The following PDE1A variants were observed in gnomAD, a reference collection of about 807,000 sequenced individuals.
PDE1A encodes dual specificity calcium/calmodulin-dependent 3',5'-cyclic nucleotide phosphodiesterase 1A.
In PDE1A, 35 loss-of-function variants were observed where a neutral mutation model predicts 61.7. That is an observed-to-expected ratio of 0.57 (90% CI 0.43 to 0.75). The LOEUF is 0.75. Ranked by LOEUF, PDE1A falls within the 30% of genes least tolerant of loss-of-function variation. The pLI is 0.00. For synonymous variants in PDE1A, 232 were observed against 213.2 expected (o/e 1.09, Z -0.77); for missense variants, 597 against 630.6 (o/e 0.95, Z 0.57).
chr2:182,607,592 T>C, the PDE1A span, among the ~76,000 whole-genome samples: 1 of 152,346 alleles, frequency 6.6e-6, no homozygotes, highest in African/African-American at 2.4e-5. Flanking sequence ...TACTGTATTT[T>C]CCATCCACGT....
At chr2:182,352,444 T>C (rs535370024) in intron 1 of PDE1A, among the ~76,000 whole-genome samples, 3 of 152,286 alleles carry the variant, frequency 2.0e-5, no homozygotes, top group African/African-American at 7.2e-5. Context: ...AAGGCTAACT[T>C]CTTGGCTTCT....
intron 2 of PDE1A, among the ~76,000 whole-genome samples, chr2:182,454,529 C>A (rs1223560194): frequency 1.3e-5 from 2 of 151,996 alleles, no homozygotes; most frequent in Non-Finnish European, 2.9e-5. Flanking sequence ...TACAACAAGG[C>A]TACAGTAACC....
the PDE1A span, among the ~76,000 whole-genome samples, chr2:182,665,166 A>T: frequency 1.3e-5 from 2 of 152,188 alleles, no homozygotes; most frequent in Non-Finnish European, 1.5e-5. Context: ...AGTAAAAAAG[A>T]CTTCAGAAGT....
chr2:182,608,323 G>A, the PDE1A span, among the ~76,000 whole-genome samples: 1 of 152,242 alleles, frequency 6.6e-6, no homozygotes, highest in African/African-American at 2.4e-5. Context: ...CATGAGAGGT[G>A]ACACCCGGGC....
intron 2 of PDE1A, among the ~76,000 whole-genome samples, chr2:182,246,401 C>CTTTTTTTTTTTTTTTTTTTTTTT (rs761118177): frequency 1.6e-5 from 1 of 61,514 alleles, no homozygotes; most frequent in Non-Finnish European, 2.9e-5. Flanking sequence ...TTTCTTTTTT[C>CTTTTTTTTTTTTTTTTTTTTTTT]TTTCTTTTTT....
chr2:182,430,742 A>T (rs370140695), upstream of PDE1A, among the ~76,000 whole-genome samples: 137 of 135,586 alleles, frequency 1.0e-3, 1 homozygote, highest in African/African-American at 3.4e-3. Context: ...ATTAAGAAAA[A>T]GTGGCACATA....
intron 5 of PDE1A, 138 bp downstream of exon 5, chr2:182,230,877 C>T: frequency 1.6e-6 from 1 of 617,234 alleles, no homozygotes; most frequent in South Asian, 2.0e-5. Context: ...CATATAAAGA[C>T]CTCATCACCT....
the PDE1A span, among the ~76,000 whole-genome samples, chr2:182,679,350 A>ATTTTTTTTTTTT: frequency 1.8e-4 from 22 of 119,406 alleles, no homozygotes; most frequent in Non-Finnish European, 2.6e-4. Flanking sequence ...TGCTCAGCTA[A>ATTTTTTTTTTTT]TTTTTTTTTT....
At chr2:182,426,475 T>C (rs1340192455) in intron 1 of PDE1A, 103 bp downstream of exon 1, 1 of 825,024 alleles carries the variant, frequency 1.2e-6, no homozygotes, top group Non-Finnish European at 2.1e-6. Context: ...GCACTCTTGA[T>C]TGCTCTGCTG....
chr2:182,709,639 G>A, the PDE1A span, among the ~76,000 whole-genome samples: 1 of 152,214 alleles, frequency 6.6e-6, no homozygotes, highest in African/African-American at 2.4e-5. Context: ...TGAAAGATGA[G>A]TAGCATTTCT....
chr2:182,477,638 T>C (rs1045803572), intron 2 of PDE1A, among the ~76,000 whole-genome samples: 1 of 151,904 alleles, frequency 6.6e-6, no homozygotes, highest in Non-Finnish European at 1.5e-5. Flanking sequence ...TGTTTGAAAC[T>C]GCACACAAAT....
chr2:182,248,427 T>G (rs1475416436), intron 2 of PDE1A, among the ~76,000 whole-genome samples: 1 of 152,058 alleles, frequency 6.6e-6, no homozygotes, highest in Non-Finnish European at 1.5e-5. Flanking sequence ...AGTCAAGGGT[T>G]TCTAAACACG....
downstream of PDE1A, among the ~76,000 whole-genome samples, chr2:182,164,324 G>A (rs995265533): frequency 6.6e-6 from 1 of 152,094 alleles, no homozygotes; most frequent in Admixed American, 6.6e-5. Flanking sequence ...AGTTGACAGA[G>A]GACAAGAATA....
At chr2:182,272,434 C>G (rs1693096637) in intron 1 of PDE1A, among the ~76,000 whole-genome samples, 1 of 152,136 alleles carries the variant, frequency 6.6e-6, no homozygotes, top group South Asian at 2.1e-4. Context: ...ACCTAGAATT[C>G]TATACTCAGC....
chr2:182,454,560 C>A (rs1297494461), intron 2 of PDE1A, among the ~76,000 whole-genome samples: 1 of 151,736 alleles, frequency 6.6e-6, no homozygotes, highest in Non-Finnish European at 1.5e-5. Flanking sequence ...GGTACTGGTA[C>A]CAAAACAGAG....
the PDE1A span, among the ~76,000 whole-genome samples, chr2:182,661,284 G>A: frequency 6.6e-6 from 1 of 152,136 alleles, no homozygotes; most frequent in East Asian, 1.9e-4. Flanking sequence ...TGTGCATTTA[G>A]GTGTATAATT....
intron 1 of PDE1A, among the ~76,000 whole-genome samples, chr2:182,388,307 G>A (rs750041154): frequency 3.9e-5 from 6 of 152,162 alleles, no homozygotes; most frequent in Non-Finnish European, 5.9e-5. Context: ...AAACATCAAA[G>A]TTAAACTGCA....
chr2:182,611,855 C>G, the PDE1A span, among the ~76,000 whole-genome samples: 1 of 151,882 alleles, frequency 6.6e-6, no homozygotes, highest in African/African-American at 2.4e-5. Flanking sequence ...CTTTAAATAA[C>G]AAAGTTGAAT....
intron 1 of PDE1A, among the ~76,000 whole-genome samples, chr2:182,328,350 G>GTAATATTAT (rs1265666046): frequency 6.6e-6 from 1 of 152,148 alleles, no homozygotes; most frequent in East Asian, 1.9e-4. Context: ...AAAGTTCATT[G>GTAATATTAT]TAATATTATT....
Sources: gnomAD v4.1 joint callset for allele counts (sites outside exome capture counted in the v4.1 genomes callset) on GRCh38, gnomAD v4.1.1 for gene constraint, MANE v1.5 for transcripts, NCBI Gene and HGNC (gene_info 2026-07-23, HGNC 2026-07-21) for gene names.